Variants in BCO1 observed in about 807,000 individuals in gnomAD.
BCO1 encodes beta,beta-carotene 15,15'-dioxygenase.
Under a neutral mutation model 56.3 loss-of-function variants are expected in BCO1, and 54 were observed. That is an observed-to-expected ratio of 0.96 (90% CI 0.77 to 1.20). The LOEUF is 1.20. Ranked by LOEUF, BCO1 falls within the 50% of genes most tolerant of loss-of-function variation. The pLI, the probability that BCO1 is intolerant of heterozygous loss-of-function variation, is 0.00. For missense variants in BCO1, 801 were observed against 690.9 expected (o/e 1.16, Z -1.79); for synonymous variants, 318 against 266.1 (o/e 1.20, Z -1.90).
At chr16:81,271,451 A>G (rs1168428685) in intron 7 of BCO1, among the ~76,000 whole-genome samples, 1 of 152,116 alleles carries the variant, frequency 6.6e-6, no homozygotes, top group Non-Finnish European at 1.5e-5. Flanking sequence ...AGCCTTTGGT[A>G]TGTTTTCACA....
At chr16:81,241,493 C>G (rs1382418028) in intron 1 of BCO1, among the ~76,000 whole-genome samples, 2 of 152,188 alleles carry the variant, frequency 1.3e-5, no homozygotes, top group East Asian at 3.8e-4. Context: ...AAAGGGGTGG[C>G]CCCGGACCTG....
intron 3 of BCO1, among the ~76,000 whole-genome samples, chr16:81,261,045 A>G (rs1244510067): frequency 6.6e-6 from 1 of 152,218 alleles, no homozygotes; most frequent in Non-Finnish European, 1.5e-5. Flanking sequence ...CTCTAGGGCT[A>G]GCTCAGAGCA....
intron 8 of BCO1, among the ~76,000 whole-genome samples, chr16:81,281,958 C>A (rs992271804): frequency 6.6e-6 from 1 of 152,226 alleles, no homozygotes; most frequent in Non-Finnish European, 1.5e-5. Context: ...TTGCTGTGCT[C>A]ACAGCGTATC....
chr16:81,247,326 G>A (rs536348773), intron 2 of BCO1, among the ~76,000 whole-genome samples: 9 of 152,086 alleles, frequency 5.9e-5, no homozygotes, highest in East Asian at 5.8e-4. Context: ...AGTATTGGAC[G>A]TTCTAGCAAG....
chr16:81,252,887 C>G (rs898174150), intron 2 of BCO1, among the ~76,000 whole-genome samples: 2 of 152,018 alleles, frequency 1.3e-5, no homozygotes, highest in Admixed American at 6.6e-5. Context: ...GCCCACCTCA[C>G]CACTTGAGGT....
intron 2 of BCO1, among the ~76,000 whole-genome samples, chr16:81,249,964 T>C (rs1235383691): frequency 6.6e-6 from 1 of 152,142 alleles, no homozygotes; most frequent in Non-Finnish European, 1.5e-5. Flanking sequence ...AAACTGTATA[T>C]GGAGCTGAGA....
At chr16:81,249,925 C>A (rs1397547160) in intron 2 of BCO1, among the ~76,000 whole-genome samples, 1 of 152,138 alleles carries the variant, frequency 6.6e-6, no homozygotes, top group Non-Finnish European at 1.5e-5. Flanking sequence ...CATCATCTAG[C>A]ATGGGGCCTG....
intron 2 of BCO1, among the ~76,000 whole-genome samples, chr16:81,257,192 TG>T (rs1227491866): frequency 1.3e-5 from 2 of 152,146 alleles, no homozygotes; most frequent in East Asian, 3.9e-4. Flanking sequence ...TATTCCCAGC[TG>T]GGAAGGACCT....
At chr16:81,261,686 T>G (rs1906488999) in intron 3 of BCO1, among the ~76,000 whole-genome samples, 2 of 152,176 alleles carry the variant, frequency 1.3e-5, no homozygotes, top group African/African-American at 4.8e-5. Flanking sequence ...GTTCTTAGGA[T>G]TCCTCAGGTG....
intron 2 of BCO1, among the ~76,000 whole-genome samples, chr16:81,258,911 G>C (rs1022980964): frequency 1.3e-5 from 2 of 152,128 alleles, no homozygotes; most frequent in Non-Finnish European, 2.9e-5. Flanking sequence ...AGAAGGCAAA[G>C]GGGGAGCAGG....
Position 81,268,150 on chromosome 16 carries a change from C to A in BCO1, c.843+19C>A. ...GGAGAAGGTGAGGTCTGGCTGGACT[C>A]TAGCCCAGTGGGTGCTGGCTGACCA... On this transcript the variant is annotated intron_variant, in intron 6 of 10. Coordinates refer to ENST00000258168, the MANE Select transcript of BCO1 (RefSeq NM_017429.3). 1 of 1,598,814 alleles carries A rather than the reference C, an allele frequency of 6.3e-7. No individual in the cohort carries two copies. The highest frequency in any genetic ancestry group is 1.1e-5 in the South Asian group (1 of 90,958).
chr16:81,251,834 CCACACACA>C (rs146949793), intron 2 of BCO1, among the ~76,000 whole-genome samples: 1 of 144,870 alleles, frequency 6.9e-6, no homozygotes, highest in African/African-American at 2.6e-5. Context: ...TTATATATAC[CCACACACA>C]CACACACACG....
chr16:81,278,536 A>G (rs1228454964), intron 7 of BCO1, among the ~76,000 whole-genome samples: 3 of 152,246 alleles, frequency 2.0e-5, no homozygotes, highest in Non-Finnish European at 1.5e-5. Context: ...GGCACTGAGC[A>G]AAATCTGGTC....
chr16:81,246,246 C>T (rs531766547), intron 2 of BCO1, among the ~76,000 whole-genome samples: 1 of 152,154 alleles, frequency 6.6e-6, no homozygotes, highest in African/African-American at 2.4e-5. Flanking sequence ...TATAAGGACC[C>T]TTGTGATTAC....
At chr16:81,243,477 A>ATTCATTCG (rs1319327917) in intron 1 of BCO1, among the ~76,000 whole-genome samples, 2 of 151,854 alleles carry the variant, frequency 1.3e-5, no homozygotes, top group African/African-American at 4.8e-5. Flanking sequence ...TCATTCATTC[A>ATTCATTCG]TTCATTTATG....
chr16:81,257,000 G>A (rs8046134), intron 2 of BCO1, among the ~76,000 whole-genome samples: 37,615 of 152,010 alleles, frequency 0.25, 5,048 homozygotes, highest in Middle Eastern at 0.38. Context: ...TTCCAGCCCA[G>A]CCGAACTCAA....
chr16:81,242,027 G>A (rs900408889), intron 1 of BCO1, among the ~76,000 whole-genome samples: 1 of 151,978 alleles, frequency 6.6e-6, no homozygotes, highest in African/African-American at 2.4e-5. Context: ...CACAGTGGCT[G>A]GTGTATGAAT....
At chr16:81,274,555 C>T (rs545389034) in intron 7 of BCO1, among the ~76,000 whole-genome samples, 226 of 152,184 alleles carry the variant, frequency 1.5e-3, no homozygotes, top group African/African-American at 5.2e-3. Flanking sequence ...TGAGCCACTG[C>T]GCCCAGCCCC....
In BCO1 at chr16:81,262,935, C is replaced by A. The variant is rs567512999; in HGVS notation, c.471+652C>A. On this transcript the variant is annotated intron_variant, in intron 4 of 10. Transcript: ENST00000258168. Reference sequence around the variant, plus strand: ...AAAAGTCTGAAACCAAGGTGTCAGCCCGGCCATGCTCTCTCTGAAGACTCT... The same window carrying A: ...AAAAGTCTGAAACCAAGGTGTCAGCACGGCCATGCTCTCTCTGAAGACTCT... 10 of 156,852 alleles carry A rather than the reference C, an allele frequency of 6.4e-5. No individual in the cohort carries two copies. The South Asian group carries it at 1.7e-3, about 27-fold the overall frequency. The allele number at this position is 156,852 out of a possible 1,614,324, so 9.7% of individuals were successfully genotyped here.
Sources: allele counts gnomAD v4.1 joint callset (sites outside exome capture counted in the v4.1 genomes callset), GRCh38; gene constraint gnomAD v4.1.1; transcripts MANE v1.5; gene names NCBI Gene and HGNC (gene_info 2026-07-23, HGNC 2026-07-21).